RGS21: variants seen among roughly 807,000 people sequenced by gnomAD.
RGS21 encodes regulator of G protein signaling 21.
RGS21 carries 19 observed loss-of-function variants against 18.7 expected under a neutral mutation model. The ratio of observed to expected loss-of-function variants is 1.01; its 90% CI spans 0.71 to 1.49. The LOEUF (loss-of-function observed/expected upper bound fraction) is 1.49. RGS21 is among the 40% of genes most tolerant of loss of function. The pLI is 0.00. For synonymous variants in RGS21, 56 were observed against 57.8 expected, an observed-to-expected ratio of 0.97 and a Z score of 0.14; for missense variants, 194 against 176.8, an observed-to-expected ratio of 1.10 and a Z score of -0.55.
chr1:192,356,896 T>C (rs1659119627), intron 4 of RGS21, among the ~76,000 whole-genome samples: 1 of 151,780 alleles, frequency 6.6e-6, no homozygotes, highest in African/African-American at 2.4e-5. Context: ...TGCTTATTTG[T>C]TAATTTTCTA....
At chr1:192,341,693 AT>A (rs1245329283) in intron 1 of RGS21, among the ~76,000 whole-genome samples, 1 of 151,866 alleles carries the variant, frequency 6.6e-6, no homozygotes, top group Non-Finnish European at 1.5e-5. Context: ...AGAAATTTAA[AT>A]TTTTGTTTTA....
At chr1:192,345,345 A>G (rs1454751933) in intron 2 of RGS21, among the ~76,000 whole-genome samples, 1 of 152,070 alleles carries the variant, frequency 6.6e-6, no homozygotes, top group East Asian at 1.9e-4. Context: ...AGAACACTCT[A>G]TGCCTTTGAA....
chr1:192,328,488 C>A (rs1658600125), intron 1 of RGS21, among the ~76,000 whole-genome samples: 1 of 152,066 alleles, frequency 6.6e-6, no homozygotes, highest in Non-Finnish European at 1.5e-5. Context: ...AGATAAGAAT[C>A]TTAATAAAAC....
At chr1:192,344,208 A>G (rs563369624) in intron 2 of RGS21, among the ~76,000 whole-genome samples, 84 of 152,182 alleles carry the variant, frequency 5.5e-4, no homozygotes, top group African/African-American at 1.9e-3. Context: ...TAGTATTTCT[A>G]TGAAATATGA....
chr1:192,329,698 C>T (rs1216673197), intron 1 of RGS21, among the ~76,000 whole-genome samples: 3 of 151,958 alleles, frequency 2.0e-5, no homozygotes, highest in Non-Finnish European at 4.4e-5. Flanking sequence ...AATCTTTGTG[C>T]TATAATCTTA....
intron 4 of RGS21, among the ~76,000 whole-genome samples, chr1:192,365,283 A>G (rs756066594): frequency 6.6e-6 from 1 of 152,180 alleles, no homozygotes; most frequent in Non-Finnish European, 1.5e-5. Context: ...AGCATTTTAC[A>G]TATTTGCAGG....
intron 3 of RGS21, among the ~76,000 whole-genome samples, chr1:192,350,719 C>G (rs370462779): frequency 1.3e-5 from 2 of 152,158 alleles, no homozygotes; most frequent in African/African-American, 4.8e-5. Context: ...ATAACATGAC[C>G]TAAATGTATT....
intron 4 of RGS21, 58 bp downstream of exon 4, chr1:192,352,271 T>C: frequency 1.6e-6 from 2 of 1,221,058 alleles, no homozygotes; most frequent in Middle Eastern, 2.0e-4. Flanking sequence ...TGCTCCCAAT[T>C]AGAAGACCTT....
At chr1:192,347,747 C>T (rs1658975974) in intron 3 of RGS21, among the ~76,000 whole-genome samples, 1 of 152,074 alleles carries the variant, frequency 6.6e-6, no homozygotes, top group Admixed American at 6.6e-5. Flanking sequence ...GCAAACTCCA[C>T]CTTCTGGGTT....
At chr1:192,335,844 C>T (rs1658758801) in intron 1 of RGS21, among the ~76,000 whole-genome samples, 1 of 152,036 alleles carries the variant, frequency 6.6e-6, no homozygotes, top group African/African-American at 2.4e-5. Context: ...CAGGGAATAC[C>T]AGGCAGTCAG....
chr1:192,324,778 G>C (rs559670326), intron 1 of RGS21, among the ~76,000 whole-genome samples: 1 of 151,840 alleles, frequency 6.6e-6, no homozygotes, highest in Non-Finnish European at 1.5e-5. Flanking sequence ...TCCTAACTTC[G>C]ATGTTAAAAA....
intron 4 of RGS21, among the ~76,000 whole-genome samples, chr1:192,362,026 C>G (rs941408804): frequency 2.7e-4 from 41 of 152,024 alleles, no homozygotes; most frequent in African/African-American, 2.7e-4. Context: ...GATGGTGAAA[C>G]AGTGTAAACA....
At chr1:192,324,780 T>C (rs1390867615) in intron 1 of RGS21, among the ~76,000 whole-genome samples, 2 of 152,074 alleles carry the variant, frequency 1.3e-5, no homozygotes, top group South Asian at 2.1e-4. Flanking sequence ...CTAACTTCGA[T>C]GTTAAAAAAT....
intron 1 of RGS21, among the ~76,000 whole-genome samples, chr1:192,330,015 T>A (rs1042503854): frequency 6.6e-6 from 1 of 152,142 alleles, no homozygotes; most frequent in Non-Finnish European, 1.5e-5. Flanking sequence ...TATTTCTACG[T>A]CCAACATTGT....
In RGS21 at chr1:192,367,039, G is replaced by A; in HGVS notation, c.*915G>A. 6.6e-6 allele frequency: 1 copy of A among 151,956 alleles called. No homozygotes were observed. The highest frequency in any genetic ancestry group is 1.9e-4 in the East Asian group (1 of 5,184). 9.4% of individuals were successfully genotyped at this position (151,956 alleles called of 1,614,324 possible). A position where few individuals can be genotyped will look rare whatever the true frequency, so the allele number is the denominator to read the frequency against. ...GTTTCATTCTATATGTAAATATCCT[G>A]TGATAAATACGAATAATTTCATTTC... On this transcript the variant is annotated 3_prime_UTR_variant, in exon 5 of 5. Transcript: ENST00000417209.
chr1:192,326,537 C>A (rs1380052315), intron 1 of RGS21, among the ~76,000 whole-genome samples: 1 of 151,956 alleles, frequency 6.6e-6, no homozygotes, highest in Non-Finnish European at 1.5e-5. Flanking sequence ...TTATGTTTGT[C>A]ATATTGCTTA....
chr1:192,336,725 T>C (rs187606136), intron 1 of RGS21, among the ~76,000 whole-genome samples: 3 of 152,176 alleles, frequency 2.0e-5, no homozygotes, highest in East Asian at 3.9e-4. Context: ...TAGTTTTTAA[T>C]TGCCATTTTT....
chr1:192,360,997 A>C (rs1172932936), intron 4 of RGS21, among the ~76,000 whole-genome samples: 1 of 152,042 alleles, frequency 6.6e-6, no homozygotes, highest in Non-Finnish European at 1.5e-5. Flanking sequence ...TAAATACTCT[A>C]AATAAATAAA....
intron 1 of RGS21, among the ~76,000 whole-genome samples, chr1:192,329,224 C>T (rs1276074639): frequency 6.6e-6 from 1 of 152,020 alleles, no homozygotes; most frequent in Non-Finnish European, 1.5e-5. Flanking sequence ...TATTGAGTAT[C>T]TAACATATAC....
Sources: allele counts gnomAD v4.1 joint callset (sites outside exome capture counted in the v4.1 genomes callset), GRCh38; gene constraint gnomAD v4.1.1; transcripts MANE v1.5; gene names NCBI Gene and HGNC (gene_info 2026-07-23, HGNC 2026-07-21).